Variants in CHRM3 observed in about 807,000 individuals in gnomAD.
CHRM3 encodes muscarinic acetylcholine receptor M3.
Under a neutral mutation model 41.8 loss-of-function variants are expected in CHRM3, and 11 were observed. That is an observed-to-expected ratio of 0.26 (90% CI 0.17 to 0.44). The LOEUF is 0.44. Ranked by LOEUF, CHRM3 falls within the 20% of genes least tolerant of loss-of-function variation. CHRM3 has a pLI of 1.00. For synonymous variants in CHRM3, 297 were observed against 301.4 expected (o/e 0.99, Z 0.15); for missense variants, 571 against 745.4 (o/e 0.77, Z 2.72).
intron 1 of CHRM3, among the ~76,000 whole-genome samples, chr1:239,408,532 A>C (rs1660810510): frequency 1.3e-5 from 2 of 151,118 alleles, no homozygotes; most frequent in Non-Finnish European, 3.0e-5. Flanking sequence ...AAAAAAAAAA[A>C]AAAAAAAAAA....
chr1:239,505,408 T>A (rs1332875170), intron 2 of CHRM3, among the ~76,000 whole-genome samples: 1 of 152,080 alleles, frequency 6.6e-6, no homozygotes, highest in African/African-American at 2.4e-5. Context: ...GGGCAGGTCT[T>A]TCCCATGCTG....
chr1:239,529,196 C>A (rs1365010536), intron 2 of CHRM3, among the ~76,000 whole-genome samples: 1 of 152,126 alleles, frequency 6.6e-6, no homozygotes, highest in Non-Finnish European at 1.5e-5. Context: ...TACATCACAC[C>A]ATAGCACGTC....
In CHRM3 at chr1:239,915,061, G is replaced by A. The variant is rs1680571338; in HGVS notation, c.*5837G>A. 1 of 167,068 alleles carries A rather than the reference G, an allele frequency of 6.0e-6. No individual in the cohort carries two copies. The highest frequency in any genetic ancestry group is 2.1e-4 in the South Asian group (1 of 4,834). 10.3% of individuals were successfully genotyped at this position (167,068 alleles called of 1,614,324 possible). On this transcript the variant is annotated 3_prime_UTR_variant, in exon 7 of 7. Transcript: ENST00000676153. ...TTACATAAAAATGGGCTTCCACGAT[G>A]GTGAATCAGCATGCTGATTTCTCTT...
chr1:239,799,631 G>A (rs1368000306), intron 5 of CHRM3, among the ~76,000 whole-genome samples: 2 of 152,108 alleles, frequency 1.3e-5, no homozygotes, highest in Non-Finnish European at 2.9e-5. Context: ...GGAGAAACAG[G>A]CATATTAGGC....
At chr1:239,416,157 T>A (rs1215148590) in intron 1 of CHRM3, among the ~76,000 whole-genome samples, 1 of 152,228 alleles carries the variant, frequency 6.6e-6, no homozygotes, top group African/African-American at 2.4e-5. Context: ...TCATAAGATT[T>A]TCCAGTGGTC....
At chr1:239,564,861 A>C (rs1212133213) in intron 3 of CHRM3, among the ~76,000 whole-genome samples, 1 of 152,208 alleles carries the variant, frequency 6.6e-6, no homozygotes, top group Admixed American at 6.5e-5. Flanking sequence ...TTGCAACTCT[A>C]ACAAAAGACC....
At chr1:239,556,532 C>T (rs1660370523) in intron 3 of CHRM3, among the ~76,000 whole-genome samples, 2 of 152,046 alleles carry the variant, frequency 1.3e-5, no homozygotes, top group South Asian at 4.1e-4. Context: ...AAATTGTTGA[C>T]AAGAATTGTT....
chr1:239,601,214 A>C (rs1665493374), intron 3 of CHRM3, among the ~76,000 whole-genome samples: 1 of 152,228 alleles, frequency 6.6e-6, no homozygotes, highest in African/African-American at 2.4e-5. Flanking sequence ...TTCTCCAGTT[A>C]CTTTGTTGAG....
intron 1 of CHRM3, among the ~76,000 whole-genome samples, chr1:239,483,885 G>A (rs1667020549): frequency 6.6e-6 from 1 of 151,796 alleles, no homozygotes; most frequent in African/African-American, 2.4e-5. Context: ...GGATATTGTT[G>A]TCTCCTTCTA....
intron 5 of CHRM3, among the ~76,000 whole-genome samples, chr1:239,765,895 C>T (rs1667164963): frequency 1.3e-5 from 2 of 150,784 alleles, no homozygotes; most frequent in African/African-American, 4.9e-5. Flanking sequence ...TGGCTCACTG[C>T]AACCTCCACC....
chr1:239,889,079 G>A (rs936483259), intron 6 of CHRM3, among the ~76,000 whole-genome samples: 3 of 152,170 alleles, frequency 2.0e-5, no homozygotes, highest in African/African-American at 7.2e-5. Flanking sequence ...AGTAAAGAGT[G>A]GAAGTTTAAC....
At chr1:239,794,616 C>G (rs986280545) in intron 5 of CHRM3, among the ~76,000 whole-genome samples, 4 of 152,106 alleles carry the variant, frequency 2.6e-5, no homozygotes, top group African/African-American at 9.7e-5. Context: ...TTTATTTTCT[C>G]ACCACTAAAA....
intron 1 of CHRM3, among the ~76,000 whole-genome samples, chr1:239,394,361 C>T (rs1028437080): frequency 2.6e-5 from 4 of 152,166 alleles, no homozygotes; most frequent in African/African-American, 9.7e-5. Context: ...ACGTTGCCTC[C>T]TCCACCTCTT....
At chr1:239,584,228 C>T (rs530155170) in intron 3 of CHRM3, among the ~76,000 whole-genome samples, 2 of 151,780 alleles carry the variant, frequency 1.3e-5, no homozygotes, top group Non-Finnish European at 2.9e-5. Context: ...CTCAGCCTCC[C>T]GAGTAGCTGG....
chr1:239,697,825 G>A (rs988388659), intron 5 of CHRM3, among the ~76,000 whole-genome samples: 1 of 152,144 alleles, frequency 6.6e-6, no homozygotes, highest in Non-Finnish European at 1.5e-5. Context: ...TGTCTCCAGA[G>A]TGGTTTGTAG....
chr1:239,751,754 C>G (rs748536455), intron 5 of CHRM3, among the ~76,000 whole-genome samples: 3 of 152,142 alleles, frequency 2.0e-5, no homozygotes, highest in Non-Finnish European at 4.4e-5. Flanking sequence ...TCAATTTTCT[C>G]ATCTACAAAA....
intron 1 of CHRM3, among the ~76,000 whole-genome samples, chr1:239,480,985 A>AG (rs1348101999): frequency 2.6e-5 from 4 of 152,170 alleles, no homozygotes; most frequent in Non-Finnish European, 5.9e-5. Context: ...TGCATAAATA[A>AG]GATTTTAACA....
chr1:239,693,014 A>G (rs1018792672), intron 5 of CHRM3, among the ~76,000 whole-genome samples: 5 of 152,140 alleles, frequency 3.3e-5, no homozygotes, highest in Non-Finnish European at 7.4e-5. Flanking sequence ...TCTTAAGTGC[A>G]TTTAGGAGTA....
intron 5 of CHRM3, among the ~76,000 whole-genome samples, chr1:239,701,174 A>G (rs1371102736): frequency 6.6e-6 from 1 of 152,220 alleles, no homozygotes; most frequent in Admixed American, 6.5e-5. Flanking sequence ...TTTTGAACCT[A>G]AGCATAGAAC....
Sources: allele counts gnomAD v4.1 joint callset (sites outside exome capture counted in the v4.1 genomes callset), GRCh38; gene constraint gnomAD v4.1.1; transcripts MANE v1.5; gene names NCBI Gene and HGNC (gene_info 2026-07-23, HGNC 2026-07-21).